Variants in SPMIP4 observed in about 807,000 individuals in gnomAD.
SPMIP4 encodes the protein sperm microtubule inner protein 4, also known as sperm-associated microtubule inner protein 4.
the SPMIP4 span, among the ~76,000 whole-genome samples, chr7:25,176,948 T>C: frequency 3.9e-5 from 6 of 152,222 alleles, no homozygotes; most frequent in Non-Finnish European, 8.8e-5. This position sits in a 1 kb window ranked among gnomAD's most constrained non-coding sequence, Gnocchi z 4.4. Flanking sequence ...AATCAGTGTT[T>C]AGTCTGGCAA....
the SPMIP4 span, among the ~76,000 whole-genome samples, chr7:25,130,312 CT>C: frequency 4.0e-3 from 528 of 131,690 alleles, 3 homozygotes; most frequent in African/African-American, 0.011. Flanking sequence ...GTTATCACTT[CT>C]TTTTTTTTTT....
At chr7:25,129,978 C>G in the SPMIP4 span, among the ~76,000 whole-genome samples, 1 of 151,998 alleles carries the variant, frequency 6.6e-6, no homozygotes, top group Non-Finnish European at 1.5e-5. Context: ...TGGCTCATGC[C>G]TGTAATCCCA....
chr7:25,159,295 G>A, the SPMIP4 span, among the ~76,000 whole-genome samples: 4 of 152,130 alleles, frequency 2.6e-5, no homozygotes, highest in East Asian at 1.9e-4. Context: ...AATGTTGCCC[G>A]GTCAGCAGAG....
the SPMIP4 span, chr7:25,151,531 T>C: frequency 9.7e-7 from 1 of 1,036,004 alleles, no homozygotes; most frequent in Non-Finnish European, 1.5e-6. Context: ...CCTAGATTTT[T>C]ATAAAGGTAT....
chr7:25,138,392 A>C, the SPMIP4 span, among the ~76,000 whole-genome samples: 2 of 152,214 alleles, frequency 1.3e-5, no homozygotes, highest in South Asian at 4.1e-4. This position sits in a 1 kb window ranked among gnomAD's most constrained non-coding sequence, Gnocchi z 6.2. Flanking sequence ...AATATTGCTG[A>C]GTTCTTTTAT....
At chr7:25,138,802 A>C in the SPMIP4 span, among the ~76,000 whole-genome samples, 7 of 152,240 alleles carry the variant, frequency 4.6e-5, no homozygotes, top group African/African-American at 1.7e-4. This position sits in a 1 kb window ranked among gnomAD's most constrained non-coding sequence, Gnocchi z 6.2. Context: ...AATATATGGA[A>C]GCTGAATTTT....
the SPMIP4 span, among the ~76,000 whole-genome samples, chr7:25,127,489 A>G: frequency 0.026 from 3,920 of 152,152 alleles, 70 homozygotes; most frequent in Non-Finnish European, 0.039. Flanking sequence ...TGCATTTTTT[A>G]GTACGTTAAT....
the SPMIP4 span, among the ~76,000 whole-genome samples, chr7:25,166,870 G>C: frequency 6.6e-6 from 1 of 151,654 alleles, no homozygotes; most frequent in African/African-American, 2.4e-5. Context: ...ACTCCAGCCT[G>C]GTCAACAAGA....
the SPMIP4 span, among the ~76,000 whole-genome samples, chr7:25,162,350 T>C: frequency 2.7e-5 from 4 of 149,264 alleles, no homozygotes; most frequent in African/African-American, 7.4e-5. Context: ...GACAAAACCG[T>C]AGAAGTTCAA....
At chr7:25,154,693 C>T in the SPMIP4 span, among the ~76,000 whole-genome samples, 6 of 151,962 alleles carry the variant, frequency 3.9e-5, no homozygotes, top group African/African-American at 1.5e-4. Context: ...AAAGCTAAAC[C>T]GTGAGAGCAG....
the SPMIP4 span, among the ~76,000 whole-genome samples, chr7:25,137,305 T>C: frequency 1.5e-5 from 2 of 135,412 alleles, no homozygotes; most frequent in Middle Eastern, 3.7e-3. Flanking sequence ...AATTTTCTTT[T>C]TTTTTTTTTT....
chr7:25,156,308 A>G, the SPMIP4 span, among the ~76,000 whole-genome samples: 3 of 152,276 alleles, frequency 2.0e-5, no homozygotes, highest in African/African-American at 7.2e-5. Context: ...AACCCTGCTG[A>G]GGTCTTCATC....
the SPMIP4 span, chr7:25,179,233 A>G: frequency 3.1e-6 from 5 of 1,613,780 alleles, no homozygotes; most frequent in Non-Finnish European, 4.2e-6. Context: ...AATTCATTAG[A>G]GTAAAAGGTG....
the SPMIP4 span, among the ~76,000 whole-genome samples, chr7:25,167,384 G>A: frequency 6.6e-6 from 1 of 152,210 alleles, no homozygotes; most frequent in African/African-American, 2.4e-5. Flanking sequence ...ATCTGCTTCA[G>A]AAAGACATTA....
At chr7:25,176,545 C>A in the SPMIP4 span, among the ~76,000 whole-genome samples, 6 of 152,238 alleles carry the variant, frequency 3.9e-5, no homozygotes, top group African/African-American at 1.4e-4. This position sits in a 1 kb window ranked among gnomAD's most constrained non-coding sequence, Gnocchi z 4.4. Flanking sequence ...CCTTTTCCTC[C>A]AATACAAGAA....
chr7:25,147,964 T>C, the SPMIP4 span, among the ~76,000 whole-genome samples: 3 of 152,344 alleles, frequency 2.0e-5, no homozygotes, highest in South Asian at 2.1e-4. Context: ...TATTTTCTTA[T>C]TGGCTTGGAG....
chr7:25,174,002 T>A, the SPMIP4 span, among the ~76,000 whole-genome samples: 4 of 152,192 alleles, frequency 2.6e-5, no homozygotes, highest in Non-Finnish European at 5.9e-5. This position sits in a 1 kb window ranked among gnomAD's most constrained non-coding sequence, Gnocchi z 4.5. Flanking sequence ...AAAATAAAAA[T>A]TGACATTTTA....
At chr7:25,126,360 T>G in the SPMIP4 span, among the ~76,000 whole-genome samples, 1 of 152,014 alleles carries the variant, frequency 6.6e-6, no homozygotes, top group African/African-American at 2.4e-5. Context: ...GTATTTTTAG[T>G]AGAGATGGGG....
At chr7:25,158,572 G>A in the SPMIP4 span, 1 of 1,538,652 alleles carries the variant, frequency 6.5e-7, no homozygotes. Flanking sequence ...TATATTGAGG[G>A]CTTTTAAAGG....
Sources: allele counts gnomAD v4.1 joint callset (sites outside exome capture counted in the v4.1 genomes callset), GRCh38; gene constraint gnomAD v4.1.1; non-coding constraint Gnocchi (gnomAD v3.1); transcripts MANE v1.5; gene names NCBI Gene and HGNC (gene_info 2026-07-23, HGNC 2026-07-21).